The following ANO2 variants were observed in gnomAD, a reference collection of about 807,000 sequenced individuals.
ANO2 encodes anoctamin-2.
ANO2 carries 101 observed loss-of-function variants against 124.2 expected under a neutral mutation model. That is an observed-to-expected ratio of 0.81 (90% confidence interval 0.69 to 0.96). The LOEUF is 0.96. Ranked by LOEUF, ANO2 falls within the 40% of genes least tolerant of loss-of-function variation. The probability of loss-of-function intolerance (pLI) is 0.00; values close to 1 mark genes in which losing one functional copy is unlikely to be tolerated. For missense variants in ANO2, 1,293 were observed against 1,274.5 expected, an observed-to-expected ratio of 1.01 and a Z score of -0.22; for synonymous variants, 486 against 482.5, an observed-to-expected ratio of 1.01 and a Z score of -0.09.
intron 10 of ANO2, among the ~76,000 whole-genome samples, chr12:5,777,433 G>A (rs920833172): frequency 6.6e-6 from 1 of 152,114 alleles, no homozygotes; most frequent in Non-Finnish European, 1.5e-5. Context: ...GAAGAGTAGT[G>A]TCCCCATGTG....
chr12:5,610,983 T>TTTTTTTTTCTTTTTTTTTTTTTTTTTTG (rs1555100751), intron 19 of ANO2, among the ~76,000 whole-genome samples: 1 of 121,658 alleles, frequency 8.2e-6, no homozygotes, highest in African/African-American at 3.1e-5. Flanking sequence ...TTTTTTTTTT[T>TTTTTTTTTCTTTTTTTTTTTTTTTTTTG]TTTTTTGAGA....
chr12:5,790,479 A>G (rs1163462205), intron 10 of ANO2, among the ~76,000 whole-genome samples: 1 of 152,170 alleles, frequency 6.6e-6, no homozygotes, highest in Non-Finnish European at 1.5e-5. Flanking sequence ...ACATTTCCTG[A>G]CCAAGAATGC....
intron 1 of ANO2, among the ~76,000 whole-genome samples, chr12:5,939,931 A>G (rs1370063265): frequency 6.6e-6 from 1 of 152,172 alleles, no homozygotes; most frequent in African/African-American, 2.4e-5. Flanking sequence ...TTGGTGTAGC[A>G]TGTTCACACC....
intron 1 of ANO2, among the ~76,000 whole-genome samples, chr12:5,934,819 C>T (rs1225426348): frequency 6.6e-6 from 1 of 152,176 alleles, no homozygotes; most frequent in Non-Finnish European, 1.5e-5. Flanking sequence ...ATAAACATCT[C>T]CCATCTCTTC....
chr12:5,686,483 A>G (rs2137007459), intron 14 of ANO2, among the ~76,000 whole-genome samples: 1 of 152,210 alleles, frequency 6.6e-6, no homozygotes, highest in Non-Finnish European at 1.5e-5. Context: ...GGGGAAACAG[A>G]CTCCTACTGT....
At chr12:5,751,112 G>A (rs536712188) in intron 10 of ANO2, 142 bp from the exon 11 acceptor site, 32 of 768,242 alleles carry the variant, frequency 4.2e-5, no homozygotes, top group South Asian at 6.5e-5. Context: ...GAGGTTGCAC[G>A]GGGAAGGGGA....
intron 3 of ANO2, among the ~76,000 whole-genome samples, chr12:5,864,910 C>A (rs1367364269): frequency 6.6e-6 from 1 of 152,088 alleles, no homozygotes; most frequent in African/African-American, 2.4e-5. Context: ...GAAAAATATC[C>A]CACTCAGAGA....
At chr12:5,781,232 A>T (rs907070144) in intron 10 of ANO2, among the ~76,000 whole-genome samples, 23 of 152,270 alleles carry the variant, frequency 1.5e-4, no homozygotes, top group African/African-American at 5.1e-4. Flanking sequence ...GTTGACTAGC[A>T]TCATGAATGT....
chr12:5,690,137 T>A (rs956818101), intron 14 of ANO2, among the ~76,000 whole-genome samples: 11 of 152,080 alleles, frequency 7.2e-5, no homozygotes, highest in Non-Finnish European at 1.5e-4. Context: ...AATGATGAAG[T>A]CACTCCCTAA....
intron 14 of ANO2, among the ~76,000 whole-genome samples, chr12:5,649,928 T>C (rs400848): frequency 0.41 from 62,016 of 152,096 alleles, 14,350 homozygotes; most frequent in African/African-American, 0.61. Context: ...GGATTACAGG[T>C]GTGAGCCACT....
At chr12:5,704,638 C>T (rs1206772566) in intron 14 of ANO2, among the ~76,000 whole-genome samples, 1 of 152,040 alleles carries the variant, frequency 6.6e-6, no homozygotes, top group Non-Finnish European at 1.5e-5. Flanking sequence ...GGACCTGATT[C>T]TGCCCTTGGA....
intron 23 of ANO2, among the ~76,000 whole-genome samples, chr12:5,570,670 A>G (rs866426911): frequency 1.3e-5 from 2 of 152,306 alleles, no homozygotes; most frequent in African/African-American, 2.4e-5. Flanking sequence ...GAAGTCAACG[A>G]TCAGTAACAG....
intron 14 of ANO2, among the ~76,000 whole-genome samples, chr12:5,686,627 G>A (rs1264372894): frequency 6.6e-6 from 1 of 152,186 alleles, no homozygotes; most frequent in Non-Finnish European, 1.5e-5. Flanking sequence ...GGCTGGAGGG[G>A]CCTTTACTCT....
chr12:5,793,736 C>T (rs1283701906), intron 10 of ANO2, among the ~76,000 whole-genome samples: 3 of 152,172 alleles, frequency 2.0e-5, no homozygotes, highest in South Asian at 4.1e-4. Flanking sequence ...CTCTGGAAGG[C>T]TGTTGTGAGG....
chr12:5,747,423 A>C (rs2137087143), intron 11 of ANO2, among the ~76,000 whole-genome samples: 1 of 152,362 alleles, frequency 6.6e-6, no homozygotes, highest in Middle Eastern at 3.4e-3. Flanking sequence ...TCAGACCCAC[A>C]GAAGTTGGAC....
At chr12:5,694,251 C>CAG (rs5796182) in intron 14 of ANO2, among the ~76,000 whole-genome samples, 3,861 of 133,916 alleles carry the variant, frequency 0.029, 69 homozygotes, top group Non-Finnish European at 0.033. Context: ...TTACCAGAGA[C>CAG]AGAGAGAGAG....
chr12:5,608,243 G>C (rs1944314352), intron 19 of ANO2, among the ~76,000 whole-genome samples: 1 of 150,576 alleles, frequency 6.6e-6, no homozygotes, highest in African/African-American at 2.4e-5. Flanking sequence ...TGAGTTGAAG[G>C]GGTCTGATTT....
At chr12:5,848,527 T>C (rs548331446) in intron 4 of ANO2, among the ~76,000 whole-genome samples, 38 of 152,304 alleles carry the variant, frequency 2.5e-4, no homozygotes, top group African/African-American at 8.7e-4. Flanking sequence ...GGACCACTTG[T>C]CACGTTTGCT....
chr12:5,736,737 T>C (rs1428100815), intron 13 of ANO2, among the ~76,000 whole-genome samples: 1 of 152,180 alleles, frequency 6.6e-6, no homozygotes, highest in Non-Finnish European at 1.5e-5. Context: ...CACCAGACTA[T>C]ACTTTTTCCT....
Sources: allele counts gnomAD v4.1 joint callset (sites outside exome capture counted in the v4.1 genomes callset), GRCh38; gene constraint gnomAD v4.1.1; transcripts MANE v1.5; gene names NCBI Gene and HGNC (gene_info 2026-07-23, HGNC 2026-07-21).